PICALM: variants seen among roughly 807,000 people sequenced by gnomAD.
PICALM encodes phosphatidylinositol binding clathrin assembly protein.
A neutral mutation model predicts 80.5 loss-of-function variants in PICALM; 40 were observed. The ratio of observed to expected loss-of-function variants is 0.50; its 90% CI spans 0.39 to 0.65. The LOEUF (loss-of-function observed/expected upper bound fraction) is 0.65. Ranked by LOEUF, PICALM falls within the 30% of genes least tolerant of loss-of-function variation. The pLI is 0.00. For synonymous variants in PICALM, 288 were observed against 260.3 expected (o/e 1.11, Z -1.02); for missense variants, 676 against 778.9 (o/e 0.87, Z 1.57).
rs556506057 is a variant in PICALM, at chr11:85,972,204, A to G, written c.1944+2504T>C. Reference sequence around the variant, plus strand: ...AGGTTATTACCCAAAACTGTAGAGAATATTCTTTACAACTATAGTAGTTAC... The same window carrying G: ...AGGTTATTACCCAAAACTGTAGAGAGTATTCTTTACAACTATAGTAGTTAC... On this transcript the variant is annotated intron_variant, in intron 19 of 19. Transcript: ENST00000393346. 5.3e-5 allele frequency among the ~76,000 whole-genome samples: 8 copies of G among 152,376 alleles called. 1 individual carries two copies. The South Asian group carries it at 1.0e-3, about 20-fold the overall frequency.
chr11:85,994,168 A>G (rs1168977573), intron 12 of PICALM, among the ~76,000 whole-genome samples: 1 of 152,240 alleles, frequency 6.6e-6, no homozygotes, highest in African/African-American at 2.4e-5. Flanking sequence ...AACTGATAAT[A>G]TTGTATATTT....
At chr11:85,996,795 A>G (rs2094978279) in intron 12 of PICALM, 31 bp downstream of exon 12, 1 of 1,217,696 alleles carries the variant, frequency 8.2e-7, no homozygotes, top group Non-Finnish European at 1.2e-6. Context: ...AGATGCATGT[A>G]ACATCTAAAA....
intron 12 of PICALM, 42 bp from the exon 13 acceptor site, chr11:85,990,441 G>C (rs760403663): frequency 4.6e-6 from 6 of 1,302,974 alleles, no homozygotes; most frequent in Non-Finnish European, 6.3e-6. Context: ...AAGAAAGGAA[G>C]TAAATAAATT....
At chr11:86,021,498 G>A (rs12295099) in intron 4 of PICALM, among the ~76,000 whole-genome samples, 31,068 of 112,572 alleles carry the variant, frequency 0.28, 3,548 homozygotes, top group African/African-American at 0.33. Context: ...TACCATTTAA[G>A]AAAAAAAAAA....
intron 1 of PICALM, among the ~76,000 whole-genome samples, chr11:86,040,373 T>C (rs1460364092): frequency 6.6e-6 from 1 of 152,158 alleles, no homozygotes; most frequent in Admixed American, 6.5e-5. Flanking sequence ...TTTTATTGAT[T>C]TATTTTTATA....
At chr11:85,982,057 G>C in intron 14 of PICALM, 54 bp from the exon 15 acceptor site, 1 of 1,553,644 alleles carries the variant, frequency 6.4e-7, no homozygotes, top group South Asian at 1.1e-5. Flanking sequence ...ATGACGCTAT[G>C]GTTTTCTAAA....
At chr11:85,996,125 T>C (rs1242602267) in intron 12 of PICALM, among the ~76,000 whole-genome samples, 1 of 152,134 alleles carries the variant, frequency 6.6e-6, no homozygotes, top group African/African-American at 2.4e-5. Flanking sequence ...AAAAATAATT[T>C]AAAATGTTCT....
chr11:85,976,182 A>G (rs967643053), intron 18 of PICALM, among the ~76,000 whole-genome samples: 9 of 152,188 alleles, frequency 5.9e-5, no homozygotes, highest in Admixed American at 2.0e-4. Context: ...AAAGGTTAAA[A>G]GACTGTTTTT....
Position 86,003,546 on chromosome 11 carries a change from A to C in PICALM, c.808-95T>G, listed in dbSNP as rs149235314. The C allele has an allele frequency of 2.1e-3, 1,361 of 653,556 alleles. 8 individuals carry two copies. Among genetic ancestry groups the C allele is most frequent in the South Asian group, 4.0e-3 (161 of 40,288 alleles). The allele number at this position is 653,556 out of a possible 1,614,324, so 40.5% of individuals were successfully genotyped here. A position where few individuals can be genotyped will look rare whatever the true frequency, so the allele number is the denominator to read the frequency against. ...TAATTAGAGAGCAACAAAAATAAAC[A>C]GGTATGTTCTTCATGTACTAATTAA... On this transcript the variant is annotated intron_variant, in intron 8 of 19. Coordinates refer to ENST00000393346, the MANE Select transcript of PICALM (RefSeq NM_007166.4).
intron 14 of PICALM, among the ~76,000 whole-genome samples, chr11:85,982,423 C>CTTTTTTTTTTTTTTTTTTTTTTTTTTTT (rs59672357): frequency 1.4e-5 from 1 of 70,170 alleles, no homozygotes; most frequent in African/African-American, 6.5e-5. Context: ...ATTTTATAGA[C>CTTTTTTTTTTTTTTTTTTTTTTTTTTTT]TTTTTTTTTT....
At position 85,974,693 on chromosome 11, in the gene PICALM, T is replaced by C. The variant is rs754138425; in HGVS notation, c.1944+15A>G. The C allele has an allele frequency of 2.4e-5, 35 of 1,438,858 alleles. No homozygotes were observed. The East Asian group carries it at 7.3e-4, about 30-fold the overall frequency. The allele number at this position is 1,438,858 out of a possible 1,614,324, so 89.1% of individuals were successfully genotyped here. Reference sequence around the variant, plus strand: ...AATCAAACACATTACCACAGTTACATGTAGTGTGTAATACCTGTGCTCCTG... The same window carrying C: ...AATCAAACACATTACCACAGTTACACGTAGTGTGTAATACCTGTGCTCCTG... On this transcript the variant is annotated intron_variant, in intron 19 of 19. Transcript: ENST00000393346.
At chr11:86,036,927 T>G (rs138700642) in intron 1 of PICALM, among the ~76,000 whole-genome samples, 1 of 108,662 alleles carries the variant, frequency 9.2e-6, no homozygotes, top group Non-Finnish European at 1.8e-5. Context: ...CACAGGGAGA[T>G]CCTGTCTCAA....
chr11:85,976,922 A>G, intron 17 of PICALM: 1 of 321,892 alleles, frequency 3.1e-6, no homozygotes, highest in East Asian at 4.8e-5. Flanking sequence ...TACAGCAGTG[A>G]TCTAAGATTT....
rs1418517848 is a variant in PICALM at position 86,003,449 on chromosome 11, G to C, written c.810C>G (p.Ala270=). The C allele has an allele frequency of 6.4e-7, 1 of 1,564,132 alleles. No homozygotes were observed. The highest frequency in any genetic ancestry group is 1.4e-5 in the African/African-American group (1 of 73,946). Reference sequence around the variant, plus strand: ...CCAAAGCATCAAGAAGACTGCTAGGGGCCTGCAATTGTACAAATATTAAGA... The same window carrying C: ...CCAAAGCATCAAGAAGACTGCTAGGCGCCTGCAATTGTACAAATATTAAGA... The part of the protein sequence containing the change: ...DRGDIPDLSQ[A]PSSLLDALEQ... Residue 270 remains alanine (A), a splice_region_variant and synonymous_variant, in exon 9 of 20, where the codon GCC becomes GCG. Transcript: ENST00000393346.
chr11:86,000,606 C>T (rs781294852), intron 11 of PICALM, 37 bp downstream of exon 11: 1 of 1,551,966 alleles, frequency 6.4e-7, no homozygotes, highest in South Asian at 1.2e-5. Context: ...GTCTTTGAAC[C>T]TACATATTCA....
At chr11:86,064,943 G>A (rs559537215) in intron 1 of PICALM, among the ~76,000 whole-genome samples, 51 of 152,056 alleles carry the variant, frequency 3.4e-4, no homozygotes, top group East Asian at 3.3e-3. Context: ...TTAACCAGGC[G>A]TGGTGGCACA....
chr11:86,011,337 C>T (rs1197284094), intron 6 of PICALM, among the ~76,000 whole-genome samples: 2 of 152,188 alleles, frequency 1.3e-5, no homozygotes, highest in Non-Finnish European at 2.9e-5. Context: ...AGAAACATTA[C>T]TTGACCCTAC....
chr11:86,068,088 G>A (rs1348619772), intron 1 of PICALM, among the ~76,000 whole-genome samples: 1 of 152,232 alleles, frequency 6.6e-6, no homozygotes, highest in Admixed American at 6.5e-5. Flanking sequence ...AAGCAGGAGG[G>A]AAGGTGGAAC....
chr11:86,004,790 T>G (rs1203807789), intron 8 of PICALM, among the ~76,000 whole-genome samples: 2 of 152,158 alleles, frequency 1.3e-5, no homozygotes, highest in Admixed American at 6.6e-5. Flanking sequence ...CATCCACTAT[T>G]CCCTCTATAT....
Sources: allele counts gnomAD v4.1 joint callset (sites outside exome capture counted in the v4.1 genomes callset), GRCh38; gene constraint gnomAD v4.1.1; transcripts MANE v1.5; gene names NCBI Gene and HGNC (gene_info 2026-07-23, HGNC 2026-07-21).